Variants in PPP1R10 observed in about 807,000 individuals in gnomAD.
PPP1R10 encodes protein phosphatase 1 regulatory subunit 10, also known as serine/threonine-protein phosphatase 1 regulatory subunit 10.
PPP1R10 carries 15 observed loss-of-function variants against 99.0 expected under a neutral mutation model. The ratio of observed to expected loss-of-function variants is 0.15; its 90% CI spans 0.10 to 0.23. The LOEUF is 0.23. PPP1R10 is among the 10% of genes least tolerant of loss of function. The probability of loss-of-function intolerance (pLI) is 1.00; values close to 1 mark genes in which losing one functional copy is unlikely to be tolerated. For synonymous variants in PPP1R10, 430 were observed against 449.5 expected, an observed-to-expected ratio of 0.96 and a Z score of 0.55; for missense variants, 947 against 1,259.4, an observed-to-expected ratio of 0.75 and a Z score of 3.75.
At chr6:30,611,395 A>G (rs1804539030) in intron 2 of PPP1R10, among the ~76,000 whole-genome samples, 1 of 152,244 alleles carries the variant, frequency 6.6e-6, no homozygotes, top group Non-Finnish European at 1.5e-5. Flanking sequence ...ACTGAGTAGC[A>G]AGGAAGAGGC....
At position 30,600,464 on chromosome 6, in the gene PPP1R10, A is replaced by G. The variant is rs1163634321; in HGVS notation, c.*1085T>C. 6.6e-6 allele frequency: 1 copy of G among 152,654 alleles called. No homozygotes were observed. The highest frequency in any genetic ancestry group is 1.5e-5 in the Non-Finnish European group (1 of 68,042). 9.5% of individuals were successfully genotyped at this position (152,654 alleles called of 1,614,324 possible). On this transcript the variant is annotated 3_prime_UTR_variant, in exon 20 of 20. Transcript: ENST00000376511. ...GTACAAAATATACAAAACCAAAAAA[A>G]AAAATACTCATCCTCAAATCCATTT...
At chr6:30,617,052 A>C (rs546068717) in intron 1 of PPP1R10, 54 bp from the exon 2 acceptor site, 1 of 152,582 alleles carries the variant, frequency 6.6e-6, no homozygotes, top group South Asian at 2.0e-4. Flanking sequence ...GGTTGCTTCA[A>C]AACACTCACA....
At chr6:30,611,522 C>T (rs939819771) in intron 2 of PPP1R10, among the ~76,000 whole-genome samples, 1 of 152,180 alleles carries the variant, frequency 6.6e-6, no homozygotes, top group Non-Finnish European at 1.5e-5. Context: ...GGAAAAAACA[C>T]AGGTTTCTTG....
Position 30,601,563 on chromosome 6 carries a change from G to A in PPP1R10, c.2809C>T (p.Pro937Ser), listed in dbSNP as rs1286858327. 1 of 1,613,890 alleles carries A rather than the reference G, an allele frequency of 6.2e-7. No individual in the cohort carries two copies. Among genetic ancestry groups the A allele is most frequent in the African/African-American group, 1.3e-5 (1 of 74,910 alleles). Residue 937 changes from proline to serine, a missense_variant, in exon 20 of 20, where the codon CCC (proline) becomes TCC (serine). This residue lies in a region of PPP1R10 where 17 missense variants were observed against 46.4 expected (regional missense o/e 0.37). Coordinates refer to ENST00000376511, the MANE Select transcript of PPP1R10 (RefSeq NM_002714.4). ...CAFYHPGVNG[P>S]PLP Reference sequence around the variant, plus strand: ...GCAAATGGTCCCTAGGGCAGGGGGGGCCCATTGACACCCGGGTGGTAGAAG... The same window carrying A: ...GCAAATGGTCCCTAGGGCAGGGGGGACCCATTGACACCCGGGTGGTAGAAG...
rs1421659858 is a variant in PPP1R10 at position 30,609,611 on chromosome 6, A to G, written c.107+227T>C. On this transcript the variant is annotated intron_variant, in intron 3 of 19. Transcript: ENST00000376511. The surrounding 1 kb of genome is among the most constrained non-coding windows in gnomAD (Gnocchi z 4.5). ...TACCCTGCTCTCATTCCAAAGCATG[A>G]CTCCCTTGGGACCGTGGACGTCCAA... 1.3e-5 allele frequency among the ~76,000 whole-genome samples: 2 copies of G among 152,050 alleles called. No homozygotes were observed. The highest frequency in any genetic ancestry group is 2.9e-5 in the Non-Finnish European group (2 of 68,002).
chr6:30,601,420 G>T lies in PPP1R10; in HGVS notation c.*129C>A. ...AAACCCCCAGGAACCCAAGCAAGTG[G>T]GAACTGAGGGGGCCGGCTCCTCATC... On this transcript the variant is annotated 3_prime_UTR_variant, in exon 20 of 20. Transcript: ENST00000376511. 1.4e-6 allele frequency: 1 copy of T among 717,514 alleles called. No individual in the cohort carries two copies. 44.4% of individuals were successfully genotyped at this position (717,514 alleles called of 1,614,324 possible). A position where few individuals can be genotyped will look rare whatever the true frequency, so the allele number is the denominator to read the frequency against.
At position 30,602,346 on chromosome 6, in the gene PPP1R10, C is replaced by T. The variant is rs1439480776; in HGVS notation, c.2303G>A (p.Arg768His). The change falls in exon 19 of 20, where the codon CGT (arginine) becomes CAT (histidine). Residue 768 changes from arginine to histidine, a missense_variant. By Grantham distance (29) the Arg-to-His change is conservative. Coordinates refer to ENST00000376511, the MANE Select transcript of PPP1R10 (RefSeq NM_002714.4). The surrounding 1 kb of genome is among the most constrained non-coding windows in gnomAD (Gnocchi z 6.7). ...GCCACCGCCAGGGCCTTCGTGGGGA[C>T]GATGTCCACTGCTGTTGCCCATGCC... ...GGGMGNSSGH[R>H]PHEGPGGGMG... is the part of the protein sequence containing the mutation. 5.6e-6 allele frequency: 9 copies of T among 1,612,480 alleles called. No homozygotes were observed. Among genetic ancestry groups the T allele is most frequent in the African/African-American group, 1.3e-5 (1 of 74,776 alleles).
intron 16 of PPP1R10, 64 bp from the exon 17 acceptor site, chr6:30,603,349 C>A: frequency 6.3e-7 from 1 of 1,581,518 alleles, no homozygotes; most frequent in East Asian, 2.2e-5. Flanking sequence ...CGAAAGATAG[C>A]GCCAAAGATT....
rs1803723928 is a variant in PPP1R10 at position 30,604,594 on chromosome 6, C to T, written c.1096G>A (p.Asp366Asn). ...GAACCAGTTTCTAGATTACCTGTAT[C>T]CATGAGCTCCGGGACTTCAACAGGG... The part of the protein sequence containing the change: ...VPPVEVPELM[D>N]TASLEPGALD... Residue 366 changes from aspartate to asparagine, a missense_variant, in exon 12 of 20, where the codon GAT becomes AAT. Transcript: ENST00000376511. The surrounding 1 kb of genome is among the most constrained non-coding windows in gnomAD (Gnocchi z 7.3). 1.2e-6 allele frequency: 2 copies of T among 1,612,930 alleles called. No homozygotes were observed. Among genetic ancestry groups the T allele is most frequent in the Non-Finnish European group, 1.7e-6 (2 of 1,180,032 alleles).
intron 2 of PPP1R10, chr6:30,614,644 A>T (rs1760262405): frequency 6.6e-6 from 1 of 152,196 alleles, no homozygotes; most frequent in South Asian, 2.1e-4. Flanking sequence ...AGGCCCGTTT[A>T]TCTCCAAGTT....
chr6:30,608,452 C>T (rs949871985), intron 5 of PPP1R10, among the ~76,000 whole-genome samples: 5 of 152,120 alleles, frequency 3.3e-5, no homozygotes, highest in African/African-American at 1.2e-4. Context: ...CAGGCGCATG[C>T]CACCATGCCT....
In PPP1R10 at chr6:30,606,025, C is replaced by T. The variant is rs1561837848; in HGVS notation, c.751G>A (p.Ala251Thr). 1.2e-6 allele frequency: 2 copies of T among 1,613,954 alleles called. No homozygotes were observed. Residue 251 changes from alanine (A) to threonine (T), a missense_variant, in exon 10 of 20, where the codon GCT becomes ACT. Transcript: ENST00000376511. The surrounding 1 kb of genome is among the most constrained non-coding windows in gnomAD (Gnocchi z 6.3). The part of the protein sequence containing the change: ...IPLKRQSNVA[A>T]PGDATPPAEK... ...GCAGGGGGAGTGGCATCTCCTGGAG[C>T]AGCTACGTTGCTGTCAGAAGAGGAA...
Position 30,604,061 on chromosome 6 carries a change from G to T in PPP1R10, c.1455C>A (p.Ile485=), listed in dbSNP as rs903786276. ...TPGSNSQERY[I]QAEREKGILQ... ...GGATTCCCTTCTCCCGCTCAGCCTG[G>T]ATATATCGCTCCTGACTATTGCTTC... Residue 485 remains isoleucine (I), a synonymous_variant, in exon 14 of 20, where the codon ATC becomes ATA. Coordinates refer to ENST00000376511, the MANE Select transcript of PPP1R10 (RefSeq NM_002714.4). The surrounding 1 kb of genome is among the most constrained non-coding windows in gnomAD (Gnocchi z 7.3). 3.1e-6 allele frequency: 5 copies of T among 1,613,810 alleles called. No individual in the cohort carries two copies. In the Admixed American group the frequency reaches 8.3e-5, roughly 27 times the overall value.
chr6:30,603,088 C>T, intron 17 of PPP1R10, 122 bp downstream of exon 17: 1 of 1,419,868 alleles, frequency 7.0e-7, no homozygotes, highest in East Asian at 2.3e-5. Flanking sequence ...TCCAGTCTTC[C>T]CCTCCCATTT....
rs186297431 is a variant in PPP1R10 at position 30,601,333 on chromosome 6, C to G, written c.*216G>C. 8.7e-6 allele frequency: 5 copies of G among 572,180 alleles called. No homozygotes were observed. The highest frequency in any genetic ancestry group is 3.7e-5 in the African/African-American group (2 of 53,520). The allele number at this position is 572,180 out of a possible 1,614,324, so 35.4% of individuals were successfully genotyped here. On this transcript the variant is annotated 3_prime_UTR_variant, in exon 20 of 20. Coordinates refer to ENST00000376511, the MANE Select transcript of PPP1R10 (RefSeq NM_002714.4). ...CCTCTTCAGCAGTCCAGGAACGTTTCCAGTCTCTCTCCTCCCCAGACTGGA... is the reference window on the plus strand; with the variant it reads ...CCTCTTCAGCAGTCCAGGAACGTTTGCAGTCTCTCTCCTCCCCAGACTGGA...
In PPP1R10 at chr6:30,602,765, C is replaced by T. The variant is rs1439121658; in HGVS notation, c.1958-74G>A. On this transcript the variant is annotated intron_variant, in intron 18 of 19. Transcript: ENST00000376511. This position sits in a 1 kb window ranked among gnomAD's most constrained non-coding sequence, Gnocchi z 6.7. ...ATCTCCCAACCTAAACCACCACCTC[C>T]CACCTTCCAGTCAATCCTATACTAT... The T allele has an allele frequency of 7.0e-6, 11 of 1,560,966 alleles. No individual in the cohort carries two copies. The highest frequency in any genetic ancestry group is 9.6e-6 in the Non-Finnish European group (11 of 1,148,568).
chr6:30,610,589 T>C (rs903057696), intron 2 of PPP1R10, among the ~76,000 whole-genome samples: 4 of 152,090 alleles, frequency 2.6e-5, no homozygotes, highest in Non-Finnish European at 4.4e-5. Context: ...GTGCCAGAGA[T>C]TGAGACAAAT....
chr6:30,610,247 A>G (rs1399688855), intron 2 of PPP1R10, among the ~76,000 whole-genome samples: 1 of 152,176 alleles, frequency 6.6e-6, no homozygotes, highest in African/African-American at 2.4e-5. Flanking sequence ...CCTTCCTAGG[A>G]TGGCTGAACT....
intron 2 of PPP1R10, among the ~76,000 whole-genome samples, chr6:30,612,754 A>G (rs1342870153): frequency 1.3e-5 from 2 of 152,146 alleles, no homozygotes; most frequent in Non-Finnish European, 2.9e-5. Context: ...GAAAAAAACC[A>G]AACAATTTCC....
Sources: allele counts gnomAD v4.1 joint callset (sites outside exome capture counted in the v4.1 genomes callset), GRCh38; gene constraint gnomAD v4.1.1; regional missense constraint gnomAD v4.1.1; non-coding constraint Gnocchi (gnomAD v3.1); transcripts MANE v1.5; gene names NCBI Gene and HGNC (gene_info 2026-07-23, HGNC 2026-07-21).